Variants in SETD5 observed in about 807,000 individuals in gnomAD.
SETD5 encodes histone-lysine N-methyltransferase SETD5.
A neutral mutation model predicts 153.3 loss-of-function variants in SETD5; 44 were observed. The ratio of observed to expected loss-of-function variants is 0.29; its 90% CI spans 0.23 to 0.37. SETD5 has a LOEUF of 0.37. Among genes scored for constraint, SETD5 ranks in the 10% least tolerant of loss-of-function variants. The pLI, the probability that SETD5 is intolerant of heterozygous loss-of-function variation, is 1.00. For missense variants in SETD5, 1,544 were observed against 1,768.0 expected, an observed-to-expected ratio of 0.87 and a Z score of 2.27; for synonymous variants, 716 against 645.2, an observed-to-expected ratio of 1.11 and a Z score of -1.66.
intron 17 of SETD5, 63 bp downstream of exon 17, chr3:9,453,931 TTAAG>T (rs1238918056): frequency 1.0e-5 from 15 of 1,443,608 alleles, no homozygotes; most frequent in South Asian, 3.1e-5. Flanking sequence ...CATAAAAAAT[TTAAG>T]TATGAGTATT....
chr3:9,401,985 G>A (rs575250676), intron 1 of SETD5, among the ~76,000 whole-genome samples: 3 of 152,262 alleles, frequency 2.0e-5, no homozygotes, highest in Admixed American at 1.3e-4. Context: ...TAGTGTACCC[G>A]TGATGGGCAG....
At chr3:9,431,229 ACT>A (rs1559393012) in intron 3 of SETD5, 9 of 985,214 alleles carry the variant, frequency 9.1e-6, no homozygotes, top group Admixed American at 6.2e-5. Context: ...TGAATTTCCA[ACT>A]CTACCATAAC....
chr3:9,475,612 C>G lies in SETD5; in HGVS notation c.3850C>G (p.Pro1284Ala), dbSNP rs764193558. 6.2e-7 allele frequency: 1 copy of G among 1,613,870 alleles called. No individual in the cohort carries two copies. Among genetic ancestry groups the G allele is most frequent in the South Asian group, 1.1e-5 (1 of 91,076 alleles). ...AACTACTGCACTGAGACCTGGAAAC[C>G]CCCCCTCTCACGGTTCTTCAGAATC... is the stretch of plus-strand genomic sequence containing the variant. ...YRTTALRPGN[P>A]PSHGSSESSL... The change falls in exon 23 of 23, where the codon CCC (proline) becomes GCC (alanine). Residue 1284 changes from proline to alanine, a missense_variant. This residue lies in a region of SETD5 where 302 missense variants were observed against 277.6 expected (regional missense o/e 1.09). Transcript: ENST00000402198.
chr3:9,446,505 T>C (rs2042027779), intron 13 of SETD5, among the ~76,000 whole-genome samples: 1 of 151,634 alleles, frequency 6.6e-6, no homozygotes, highest in African/African-American at 2.4e-5. Context: ...TTTTTTTTTT[T>C]CTTTTTGAGA....
intron 1 of SETD5, among the ~76,000 whole-genome samples, chr3:9,414,364 G>T (rs2125562445): frequency 6.6e-6 from 1 of 152,192 alleles, no homozygotes; most frequent in African/African-American, 2.4e-5. Context: ...AGAGCCATTG[G>T]TCGTGTGTGT....
At chr3:9,414,384 AGT>A (rs750549536) in intron 1 of SETD5, among the ~76,000 whole-genome samples, 3 of 151,194 alleles carry the variant, frequency 2.0e-5, no homozygotes, top group African/African-American at 7.3e-5. Flanking sequence ...TTTTTTGGGG[AGT>A]GTGTGTGTGT....
At chr3:9,406,635 G>GA (rs2035747744) in intron 1 of SETD5, among the ~76,000 whole-genome samples, 1 of 149,416 alleles carries the variant, frequency 6.7e-6, no homozygotes, top group African/African-American at 2.5e-5. Context: ...TAGATCTGAG[G>GA]AAAATGTAAG....
chr3:9,435,939 T>C, intron 7 of SETD5, 33 bp downstream of exon 7: 2 of 1,525,700 alleles, frequency 1.3e-6, no homozygotes, highest in Non-Finnish European at 1.8e-6. Context: ...AAATAGAAAT[T>C]GTCTGAAATA....
At position 9,434,144 on chromosome 3, in the gene SETD5, GT is replaced by G. The variant is rs1277707134; in HGVS notation, c.178-186del. ...ATGTCCCAGTTGACCTTGGCATTTT[GT>G]TTTATCACTTTCCTGGTTGAAGCCA... is the stretch of plus-strand genomic sequence containing the variant. On this transcript the variant is annotated intron_variant, in intron 4 of 22. Coordinates refer to ENST00000402198, the MANE Select transcript of SETD5 (RefSeq NM_001080517.3). The surrounding 1 kb of genome is among the most constrained non-coding windows in gnomAD (Gnocchi z 5.6). 9 of 1,548,232 alleles carry G rather than the reference GT, an allele frequency of 5.8e-6. No individual in the cohort carries two copies. Among genetic ancestry groups the G allele is most frequent in the African/African-American group, 2.7e-5 (2 of 73,094 alleles).
intron 16 of SETD5, among the ~76,000 whole-genome samples, chr3:9,452,390 T>C (rs2042720145): frequency 6.6e-6 from 1 of 152,230 alleles, no homozygotes; most frequent in Non-Finnish European, 1.5e-5. Context: ...AGTTCTCTTC[T>C]AAGCTTTAAG....
chr3:9,468,220 A>G (rs1227522166), intron 18 of SETD5, among the ~76,000 whole-genome samples: 2 of 152,028 alleles, frequency 1.3e-5, no homozygotes, highest in Non-Finnish European at 2.9e-5. Context: ...GTATAACACT[A>G]AAATTTCACC....
At chr3:9,401,284 A>G (rs2034730705) in intron 1 of SETD5, among the ~76,000 whole-genome samples, 2 of 152,244 alleles carry the variant, frequency 1.3e-5, no homozygotes, top group Admixed American at 1.3e-4. Context: ...TGACATACTT[A>G]GGGTTTAAGA....
chr3:9,465,005 GC>G (rs1313249554), intron 18 of SETD5: 1 of 330,776 alleles, frequency 3.0e-6, no homozygotes, highest in African/African-American at 2.1e-5. Context: ...TAGGCCTCTA[GC>G]TGCCTGTAGT....
Position 9,445,053 on chromosome 3 carries a change from A to G in SETD5, c.1193A>G (p.Tyr398Cys). ...TGGTTGTTTCTTTGGAGCAGTAATTATAAAGTGGACTGTGCCTGTCACAAG... is the reference window on the plus strand; with the variant it reads ...TGGTTGTTTCTTTGGAGCAGTAATTGTAAAGTGGACTGTGCCTGTCACAAG... ...AFDYEYSNCN[Y>C]KVDCACHKGN... Residue 398 changes from tyrosine (Y) to cysteine (C), a missense_variant, in exon 12 of 23, where the codon TAT becomes TGT. Coordinates refer to ENST00000402198, the MANE Select transcript of SETD5 (RefSeq NM_001080517.3). 6.2e-7 allele frequency: 1 copy of G among 1,612,760 alleles called. No homozygotes were observed.
chr3:9,405,232 A>G (rs534137397), intron 1 of SETD5, among the ~76,000 whole-genome samples: 3 of 152,346 alleles, frequency 2.0e-5, no homozygotes, highest in African/African-American at 4.8e-5. Flanking sequence ...CACAGTCATT[A>G]TTACCACCAG....
At chr3:9,448,147 G>C (rs774330667) in intron 15 of SETD5, 141 bp downstream of exon 15, 18 of 1,146,470 alleles carry the variant, frequency 1.6e-5, no homozygotes, top group Non-Finnish European at 2.2e-5. Context: ...CAAAAGGCTG[G>C]AGTCATCCTG....
intron 1 of SETD5, among the ~76,000 whole-genome samples, chr3:9,401,760 G>A (rs1252469043): frequency 6.6e-6 from 1 of 152,082 alleles, no homozygotes; most frequent in Non-Finnish European, 1.5e-5. Flanking sequence ...GCTGAACTCT[G>A]GTGATTCATC....
rs1233812808 is a variant in SETD5 at position 9,397,736 on chromosome 3, G to GC, written c.-414dup. ...CCGCCTGCGCTCAGAGACTCACGCAGCCCCAGTCCCGCCAGTCCGCCAACA... is the reference window on the plus strand; with the variant it reads ...CCGCCTGCGCTCAGAGACTCACGCAGCCCCCAGTCCCGCCAGTCCGCCAACA... On this transcript the variant is annotated 5_prime_UTR_variant, in exon 1 of 23. Coordinates refer to ENST00000402198, the MANE Select transcript of SETD5 (RefSeq NM_001080517.3). 4 of 170,372 alleles carry GC rather than the reference G, an allele frequency of 2.3e-5. No individual in the cohort carries two copies. The highest frequency in any genetic ancestry group is 9.7e-5 in the African/African-American group (4 of 41,438). 10.6% of individuals were successfully genotyped at this position (170,372 alleles called of 1,614,324 possible).
At chr3:9,430,417 A>G in intron 3 of SETD5, 1 of 863,860 alleles carries the variant, frequency 1.2e-6, no homozygotes, top group Non-Finnish European at 1.4e-6. Flanking sequence ...TTTCTTCTAG[A>G]GCTTTTTTCT....
Sources: allele counts gnomAD v4.1 joint callset (sites outside exome capture counted in the v4.1 genomes callset), GRCh38; gene constraint gnomAD v4.1.1; regional missense constraint gnomAD v4.1.1; non-coding constraint Gnocchi (gnomAD v3.1); transcripts MANE v1.5; gene names NCBI Gene and HGNC (gene_info 2026-07-23, HGNC 2026-07-21).